Variants in EIF3B observed in about 807,000 individuals in gnomAD.
EIF3B encodes eukaryotic translation initiation factor 3 subunit B, also known as eukaryotic translation initiation factor 3 subunit 9.
A neutral mutation model predicts 104.6 loss-of-function variants in EIF3B; 10 were observed. The observed-to-expected ratio is 0.10, with a 90% CI of 0.06 to 0.16. The LOEUF (loss-of-function observed/expected upper bound fraction) is 0.16. EIF3B is among the 10% of genes least tolerant of loss of function. The pLI, the probability that EIF3B is intolerant of heterozygous loss-of-function variation, is 1.00. For synonymous variants in EIF3B, 542 were observed against 417.2 expected (o/e 1.30, Z -3.65); for missense variants, 1,014 against 1,087.9 (o/e 0.93, Z 0.96).
At chr7:2,366,059 C>G (rs1780009922) in intron 6 of EIF3B, among the ~76,000 whole-genome samples, 1 of 152,154 alleles carries the variant, frequency 6.6e-6, no homozygotes, top group Non-Finnish European at 1.5e-5. Context: ...CCCTCTGGAT[C>G]ACTTAGCAGC....
intron 9 of EIF3B, among the ~76,000 whole-genome samples, chr7:2,368,290 G>A (rs770522457): frequency 1.3e-5 from 2 of 151,870 alleles, no homozygotes; most frequent in African/African-American, 2.4e-5. Flanking sequence ...TTACAGGCGC[G>A]CAACCACTAC....
chr7:2,356,249 C>T (rs73043300), intron 1 of EIF3B, among the ~76,000 whole-genome samples: 2,313 of 152,140 alleles, frequency 0.015, 24 homozygotes, highest in South Asian at 0.025. Flanking sequence ...CTGATGTAGC[C>T]AGCGATACAC....
chr7:2,355,364 C>T lies in EIF3B; in HGVS notation c.443C>T (p.Ala148Val), dbSNP rs747128731. The change falls in exon 1 of 19, where the codon GCG becomes GTG. Residue 148 changes from alanine to valine, a missense_variant. By Grantham distance (64) the Ala-to-Val change is moderately conservative. This residue lies in a region of EIF3B where 488 missense variants were observed against 404.3 expected (regional missense o/e 1.21). Transcript: ENST00000360876. ...AEPRALENGDADEPSFSDPED... is the reference protein window; with the variant it reads ...AEPRALENGDVDEPSFSDPED... ...CCCCGGGCGCTGGAGAACGGCGACG[C>T]GGACGAGCCCTCCTTCAGCGACCCC... 2.6e-6 allele frequency: 4 copies of T among 1,536,182 alleles called. No individual in the cohort carries two copies. The highest frequency in any genetic ancestry group is 3.9e-5 in the Admixed American group (2 of 51,114).
chr7:2,377,214 G>C, intron 15 of EIF3B, 139 bp downstream of exon 15: 11 of 1,187,266 alleles, frequency 9.3e-6, no homozygotes, highest in Non-Finnish European at 1.3e-5. Flanking sequence ...TTGAAGAGAC[G>C]CAGGAACAGT....
chr7:2,364,242 A>G (rs1779887784), intron 5 of EIF3B, 130 bp from the exon 6 acceptor site: 1 of 812,778 alleles, frequency 1.2e-6, no homozygotes, highest in Admixed American at 2.8e-5. Context: ...AGCCTGGGAG[A>G]CAGCGAGACT....
intron 9 of EIF3B, among the ~76,000 whole-genome samples, chr7:2,368,836 G>T (rs1314173096): frequency 6.6e-6 from 1 of 152,204 alleles, no homozygotes; most frequent in African/African-American, 2.4e-5. Context: ...ACAATCCAAG[G>T]ACATTGACGT....
intron 9 of EIF3B, among the ~76,000 whole-genome samples, chr7:2,368,299 A>G (rs532118993): frequency 1.3e-5 from 2 of 150,286 alleles, no homozygotes; most frequent in East Asian, 3.9e-4. Flanking sequence ...CGCAACCACT[A>G]CGCCCAGCTA....
At chr7:2,375,192 A>G (rs1780566473) in intron 13 of EIF3B, 197 bp from the exon 14 acceptor site, 4 of 606,134 alleles carry the variant, frequency 6.6e-6, no homozygotes, top group South Asian at 2.0e-5. Flanking sequence ...TGGCAGTCAT[A>G]TGTAATACTC....
Position 2,379,378 on chromosome 7 carries a change from C to T in EIF3B, c.2342-16C>T, listed in dbSNP as rs1321977089. On this transcript the variant is annotated splice_polypyrimidine_tract_variant and intron_variant, in intron 17 of 18. Coordinates refer to ENST00000360876, the MANE Select transcript of EIF3B (RefSeq NM_001037283.2). ...CATGTGCCCCCATGGGTGATCTGCG[C>T]CCTTTGTCCCCTCAGGGGTGGACAC... 5 of 1,574,050 alleles carry T rather than the reference C, an allele frequency of 3.2e-6. No individual in the cohort carries two copies. The highest frequency in any genetic ancestry group is 4.3e-6 in the Non-Finnish European group (5 of 1,158,308).
At chr7:2,357,969 A>G (rs1452933180) in intron 1 of EIF3B, among the ~76,000 whole-genome samples, 3 of 152,158 alleles carry the variant, frequency 2.0e-5, no homozygotes, top group Non-Finnish European at 4.4e-5. Context: ...ACTAGTTTCC[A>G]TAGCAGGGTG....
intron 1 of EIF3B, among the ~76,000 whole-genome samples, chr7:2,356,385 G>T (rs182117281): frequency 1.4e-5 from 2 of 140,904 alleles, no homozygotes; most frequent in African/African-American, 4.9e-5. Context: ...GGCCGAGACG[G>T]GTGGATCACG....
At chr7:2,369,754 G>A (rs1780218078) in intron 10 of EIF3B, 72 bp downstream of exon 10, 1 of 1,056,270 alleles carries the variant, frequency 9.5e-7, no homozygotes, top group Non-Finnish European at 1.4e-6. Flanking sequence ...TTGTTTGGAG[G>A]GTGTTAATGG....
chr7:2,370,613 G>T (rs1780279799), intron 10 of EIF3B, among the ~76,000 whole-genome samples: 1 of 152,112 alleles, frequency 6.6e-6, no homozygotes, highest in Non-Finnish European at 1.5e-5. Flanking sequence ...TGGTTCAGTG[G>T]TTTTTCGTGT....
chr7:2,372,597 G>C, intron 11 of EIF3B, 76 bp from the exon 12 acceptor site: 1 of 1,531,454 alleles, frequency 6.5e-7, no homozygotes. Flanking sequence ...TGGTTGAATA[G>C]TGAACATTTT....
chr7:2,379,386 C>T lies in EIF3B; in HGVS notation c.2342-8C>T, dbSNP rs745670341. ...CCCATGGGTGATCTGCGCCCTTTGTCCCCTCAGGGGTGGACACTGACGAGC... is the reference window on the plus strand; with the variant it reads ...CCCATGGGTGATCTGCGCCCTTTGTTCCCTCAGGGGTGGACACTGACGAGC... On this transcript the variant is annotated splice_polypyrimidine_tract_variant and splice_region_variant and intron_variant, in intron 17 of 18. Coordinates refer to ENST00000360876, the MANE Select transcript of EIF3B (RefSeq NM_001037283.2). 3.2e-6 allele frequency: 5 copies of T among 1,580,648 alleles called. No individual in the cohort carries two copies. The highest frequency in any genetic ancestry group is 1.8e-5 in the Admixed American group (1 of 54,596).
chr7:2,367,119 A>T, intron 9 of EIF3B, 74 bp downstream of exon 9: 1 of 1,052,248 alleles, frequency 9.5e-7, no homozygotes. Context: ...AAAAAAAAAA[A>T]CACAATACCA....
Position 2,355,259 on chromosome 7 carries a change from G to T in EIF3B, c.338G>T (p.Arg113Leu), listed in dbSNP as rs1034867264. Residue 113 changes from arginine to leucine, a missense_variant, in exon 1 of 19, where the codon CGG (arginine) becomes CTG (leucine). This residue lies in a region of EIF3B where 488 missense variants were observed against 404.3 expected (regional missense o/e 1.21). Transcript: ENST00000360876. ...AQGEAPGEQA[R>L]DERSDSRAQA... ...GGCGAGGCCCCAGGAGAGCAGGCTC[G>T]GGACGAGCGCTCCGACAGCCGGGCC... 8 of 1,530,494 alleles carry T rather than the reference G, an allele frequency of 5.2e-6. No homozygotes were observed. The highest frequency in any genetic ancestry group is 7.0e-6 in the Non-Finnish European group (8 of 1,145,248). The allele number at this position is 1,530,494 out of a possible 1,614,324, so 94.8% of individuals were successfully genotyped here. A position where few individuals can be genotyped will look rare whatever the true frequency, so the allele number is the denominator to read the frequency against.
In EIF3B at chr7:2,375,381, C is replaced by CTT. The variant is rs1562490427; in HGVS notation, c.1890-6_1890-5dup. 2.5e-6 allele frequency: 4 copies of CTT among 1,614,074 alleles called. No homozygotes were observed. The highest frequency in any genetic ancestry group is 3.4e-6 in the Non-Finnish European group (4 of 1,179,912). On this transcript the variant is annotated splice_polypyrimidine_tract_variant and splice_region_variant and intron_variant, in intron 13 of 18. Coordinates refer to ENST00000360876, the MANE Select transcript of EIF3B (RefSeq NM_001037283.2). The stretch of plus-strand genomic sequence containing the variant: ...CATGAAGCCTGACGGTCCTGTCTGT[C>CTT]TTTGCAGTATGAACGGTGCCTTAGC...
At chr7:2,361,952 C>CATTTATTTAT (rs1779756473) in intron 2 of EIF3B, among the ~76,000 whole-genome samples, 1 of 148,636 alleles carries the variant, frequency 6.7e-6, no homozygotes, top group Non-Finnish European at 1.5e-5. Flanking sequence ...TGCTTGCTTG[C>CATTTATTTAT]TTATTTATTT....
Sources: gnomAD v4.1 joint callset for allele counts (sites outside exome capture counted in the v4.1 genomes callset) on GRCh38, gnomAD v4.1.1 for gene constraint, gnomAD v4.1.1 regional missense constraint, MANE v1.5 for transcripts, NCBI Gene and HGNC (gene_info 2026-07-23, HGNC 2026-07-21) for gene names.